PSMG2: variants seen among roughly 807,000 people sequenced by gnomAD.
The protein encoded by PSMG2 is CD40 ligand-activated specific transcript 3.
A neutral mutation model predicts 31.5 loss-of-function variants in PSMG2; 21 were observed. The ratio of observed to expected loss-of-function variants is 0.67; its 90% confidence interval spans 0.47 to 0.96. PSMG2 has a LOEUF of 0.96. Among genes scored for constraint, PSMG2 ranks in the 40% least tolerant of loss-of-function variants. The pLI is 0.00. For synonymous variants in PSMG2, 120 were observed against 110.4 expected (o/e 1.09, Z -0.54); for missense variants, 318 against 321.2 (o/e 0.99, Z 0.08).
intron 2 of PSMG2, among the ~76,000 whole-genome samples, chr18:12,707,517 T>C (rs2040282245): frequency 6.6e-6 from 1 of 152,218 alleles, no homozygotes. Context: ...TCAAAGAGAT[T>C]GACTTGCCTG....
At chr18:12,684,863 ATTAGT>A (rs1401692062) in intron 1 of PSMG2, 3 of 152,190 alleles carry the variant, frequency 2.0e-5, no homozygotes, top group African/African-American at 4.8e-5. Context: ...AATCTATAAA[ATTAGT>A]TTACTAAAAT....
upstream of PSMG2, chr18:12,703,015 C>CG (rs2040209896): frequency 1.5e-5 from 21 of 1,441,986 alleles, no homozygotes; most frequent in South Asian, 2.6e-4. Context: ...TCCCGCGCCC[C>CG]GCGAGGCTCC....
intron 3 of PSMG2, among the ~76,000 whole-genome samples, chr18:12,718,258 C>T (rs1199254065): frequency 2.0e-5 from 3 of 152,198 alleles, no homozygotes; most frequent in South Asian, 2.1e-4. Flanking sequence ...ATCCGCCTGC[C>T]TCCCAAAGTG....
chr18:12,688,240 A>C (rs943621049), intron 1 of PSMG2, among the ~76,000 whole-genome samples: 5 of 151,934 alleles, frequency 3.3e-5, no homozygotes, highest in Non-Finnish European at 7.4e-5. Flanking sequence ...AAAAAAAAAA[A>C]AAAAAAACAA....
At chr18:12,668,877 A>G (rs1326754013) in intron 1 of PSMG2, among the ~76,000 whole-genome samples, 1 of 149,380 alleles carries the variant, frequency 6.7e-6, no homozygotes, top group Non-Finnish European at 1.5e-5. Context: ...AGTAGCTGGG[A>G]TTACAGGTGT....
At chr18:12,711,899 G>C (rs1239861225) in intron 2 of PSMG2, among the ~76,000 whole-genome samples, 1 of 151,934 alleles carries the variant, frequency 6.6e-6, no homozygotes, top group Non-Finnish European at 1.5e-5. Flanking sequence ...GACTACAGGT[G>C]CCCGCCGCCA....
chr18:12,718,781 G>A, intron 4 of PSMG2, 146 bp downstream of exon 4: 1 of 526,066 alleles, frequency 1.9e-6, no homozygotes, highest in South Asian at 3.6e-5. Context: ...AAGGTCAGGA[G>A]ATGGGAGGGA....
intron 1 of PSMG2, chr18:12,697,164 A>G: frequency 1.7e-6 from 2 of 1,192,664 alleles, no homozygotes; most frequent in Non-Finnish European, 2.4e-6. Context: ...GATATAAAAT[A>G]TATTTACAAA....
At chr18:12,661,606 T>C (rs2038696192) in intron 1 of PSMG2, among the ~76,000 whole-genome samples, 1 of 151,694 alleles carries the variant, frequency 6.6e-6, no homozygotes, top group Non-Finnish European at 1.5e-5. Context: ...ACCTCGTCTC[T>C]ACTAAAAATG....
At chr18:12,705,718 C>T (rs949559934) in intron 1 of PSMG2, among the ~76,000 whole-genome samples, 1 of 152,074 alleles carries the variant, frequency 6.6e-6, no homozygotes, top group Non-Finnish European at 1.5e-5. Context: ...TTTACACTTG[C>T]TTTCCCACTG....
chr18:12,705,611 T>C (rs891469969), intron 1 of PSMG2, among the ~76,000 whole-genome samples: 39 of 131,490 alleles, frequency 3.0e-4, no homozygotes, highest in Non-Finnish European at 5.9e-4. Flanking sequence ...GTGTTTAGTG[T>C]GAAAAGATCA....
upstream of PSMG2, among the ~76,000 whole-genome samples, chr18:12,698,149 CTTT>C (rs1020825713): frequency 1.5e-4 from 22 of 149,314 alleles, no homozygotes; most frequent in South Asian, 2.1e-3. Context: ...CTAAATTTGA[CTTT>C]TTATTTTATT....
chr18:12,702,739 G>C (rs768536748), upstream of PSMG2: 4 of 624,654 alleles, frequency 6.4e-6, no homozygotes, highest in Non-Finnish European at 1.1e-5. Context: ...CCCGGCGGCG[G>C]CGGCGCCAAC....
chr18:12,669,032 CTTTTTTTTTTTT>C lies in PSMG2; in HGVS notation c.-37+10274_-37+10285del, dbSNP rs71174122. Among the ~76,000 whole-genome samples, 2 of 41,960 alleles carry C rather than the reference CTTTTTTTTTTTT, an allele frequency of 4.8e-5. 1 individual carries two copies. 27.5% of individuals were successfully genotyped at this position (41,960 alleles called of 152,430 possible). On this transcript the variant is annotated intron_variant, in intron 1 of 6. Coordinates refer to the PSMG2 transcript ENST00000585331. ...GGCTTGAGCTACCGCACCCCCCGCA[CTTTTTTTTTTTT>C]TTTTTTTTTTTTTTGAGACAGAGTT...
intron 1 of PSMG2, among the ~76,000 whole-genome samples, chr18:12,690,940 C>CG (rs985606584): frequency 8.2e-5 from 7 of 84,990 alleles, no homozygotes; most frequent in Non-Finnish European, 1.6e-4. Context: ...ATGCCCAGAG[C>CG]CCCCCCCCGT....
intron 1 of PSMG2, among the ~76,000 whole-genome samples, chr18:12,664,159 C>A (rs971802840): frequency 7.2e-6 from 1 of 139,170 alleles, no homozygotes; most frequent in Non-Finnish European, 1.6e-5. Context: ...GAGCGAAACT[C>A]CATCTCAAAA....
At chr18:12,683,409 T>C (rs1487843423) in intron 1 of PSMG2, among the ~76,000 whole-genome samples, 1 of 150,998 alleles carries the variant, frequency 6.6e-6, no homozygotes, top group Non-Finnish European at 1.5e-5. Flanking sequence ...AAAAAGAGCC[T>C]AACTTGGCAG....
At chr18:12,673,818 T>C (rs1235763021) in intron 1 of PSMG2, among the ~76,000 whole-genome samples, 1 of 151,926 alleles carries the variant, frequency 6.6e-6, no homozygotes, top group Non-Finnish European at 1.5e-5. Context: ...GAGGCAGAGG[T>C]TGCAGTGAGC....
At chr18:12,678,129 G>A (rs769159491) in intron 1 of PSMG2, 5 of 1,612,434 alleles carry the variant, frequency 3.1e-6, no homozygotes, top group East Asian at 2.2e-5. Flanking sequence ...TCTGACACCA[G>A]GAGCCTCAGC....
Sources: allele counts gnomAD v4.1 joint callset (sites outside exome capture counted in the v4.1 genomes callset), GRCh38; gene constraint gnomAD v4.1.1; transcripts MANE v1.5; gene names NCBI Gene and HGNC (gene_info 2026-07-23, HGNC 2026-07-21).